Variants in TMCC1 observed in about 807,000 individuals in gnomAD.
TMCC1 encodes transmembrane and coiled-coil domain family 1.
Under a neutral mutation model 52.4 loss-of-function variants are expected in TMCC1, and 15 were observed. The ratio of observed to expected loss-of-function variants is 0.29; its 90% confidence interval spans 0.19 to 0.44. The LOEUF (loss-of-function observed/expected upper bound fraction) is 0.44. Ranked by LOEUF, TMCC1 falls within the 20% of genes least tolerant of loss-of-function variation. The probability of loss-of-function intolerance (pLI) is 1.00; values close to 1 mark genes in which losing one functional copy is unlikely to be tolerated. For synonymous variants in TMCC1, 279 were observed against 301.9 expected (o/e 0.92, Z 0.79); for missense variants, 503 against 806.0 (o/e 0.62, Z 4.55).
chr3:129,654,968 C>T lies in TMCC1; in HGVS notation c.1647G>A (p.Gln549=). ...TTTACACCTTTTCCTTCATACTAAC[C>T]TGGATGTCCCGGGCCCGTTCATAGG... ...YQSYERARDI[Q]EALEACQTRI... Residue 549 remains glutamine, a splice_region_variant and synonymous_variant, in exon 6 of 7, where the codon CAG becomes CAA. Coordinates refer to ENST00000393238, the MANE Select transcript of TMCC1 (RefSeq NM_001017395.5). 6.2e-7 allele frequency: 1 copy of T among 1,613,808 alleles called. No individual in the cohort carries two copies. Among genetic ancestry groups the T allele is most frequent in the Non-Finnish European group, 8.5e-7 (1 of 1,179,972 alleles).
intron 4 of TMCC1, among the ~76,000 whole-genome samples, chr3:129,730,895 C>G (rs1054334625): frequency 5.3e-5 from 8 of 152,156 alleles, no homozygotes; most frequent in African/African-American, 1.4e-4. Context: ...TAAACATATT[C>G]TGAAAAAGAA....
At chr3:129,819,110 T>A (rs1400484089) in intron 4 of TMCC1, 1 of 152,208 alleles carries the variant, frequency 6.6e-6, no homozygotes. Context: ...TGAGACGGAG[T>A]CTCACTCTGT....
chr3:129,869,739 T>A (rs1167108821), intron 2 of TMCC1, among the ~76,000 whole-genome samples: 1 of 152,234 alleles, frequency 6.6e-6, no homozygotes, highest in East Asian at 1.9e-4. Context: ...CTTACCTTGA[T>A]GCACATGTAC....
chr3:129,690,253 T>C (rs184422570), intron 4 of TMCC1, among the ~76,000 whole-genome samples: 161 of 152,314 alleles, frequency 1.1e-3, no homozygotes, highest in African/African-American at 3.4e-3. Flanking sequence ...AAATCACTTA[T>C]TGTAACTGTA....
intron 5 of TMCC1, among the ~76,000 whole-genome samples, chr3:129,656,026 A>G (rs2086646764): frequency 6.6e-6 from 1 of 152,228 alleles, no homozygotes; most frequent in African/African-American, 2.4e-5. Context: ...AATCTGGAAG[A>G]TCCGAAGAGT....
intron 5 of TMCC1, among the ~76,000 whole-genome samples, chr3:129,661,304 C>G (rs1052643416): frequency 5.9e-5 from 9 of 152,122 alleles, no homozygotes; most frequent in Non-Finnish European, 1.2e-4. Context: ...CATGCACCTG[C>G]AGTCCCAGCT....
intron 2 of TMCC1, chr3:129,847,825 T>A (rs2059735749): frequency 6.6e-6 from 1 of 152,262 alleles, no homozygotes; most frequent in South Asian, 2.1e-4. Context: ...TCCTCCATTC[T>A]TGTCACCATG....
chr3:129,877,624 C>A (rs201387939), intron 2 of TMCC1, among the ~76,000 whole-genome samples: 18 of 126,930 alleles, frequency 1.4e-4, no homozygotes, highest in Non-Finnish European at 2.9e-4. Flanking sequence ...ATCCCTAAGT[C>A]TTTTTTTTTT....
At chr3:129,678,359 C>CTTTTTTTTTTTT (rs71155564) in intron 4 of TMCC1, among the ~76,000 whole-genome samples, 1 of 117,202 alleles carries the variant, frequency 8.5e-6, no homozygotes, top group African/African-American at 3.4e-5. Flanking sequence ...TTGTTTAATT[C>CTTTTTTTTTTTT]TTTTTTTTTT....
intron 2 of TMCC1, among the ~76,000 whole-genome samples, chr3:129,864,024 G>A (rs953557038): frequency 6.6e-6 from 1 of 152,146 alleles, no homozygotes; most frequent in African/African-American, 2.4e-5. Context: ...TGCAAAAGAA[G>A]TTATCGGGTT....
chr3:129,849,823 C>T (rs1046837098), intron 2 of TMCC1, among the ~76,000 whole-genome samples: 6 of 149,590 alleles, frequency 4.0e-5, no homozygotes, highest in African/African-American at 7.4e-5. Context: ...TACATATATA[C>T]ACCCATGTAT....
intron 4 of TMCC1, among the ~76,000 whole-genome samples, chr3:129,810,465 TC>T (rs1380524080): frequency 6.6e-6 from 1 of 152,174 alleles, no homozygotes; most frequent in Non-Finnish European, 1.5e-5. Context: ...TATAATCGGA[TC>T]ACAAAACCTT....
chr3:129,715,566 T>C (rs546085326), intron 4 of TMCC1, among the ~76,000 whole-genome samples: 15 of 152,246 alleles, frequency 9.9e-5, no homozygotes, highest in African/African-American at 3.4e-4. Flanking sequence ...AAACACTCTC[T>C]ATCTGCTCTG....
At chr3:129,777,556 C>T (rs1234903061) in intron 4 of TMCC1, among the ~76,000 whole-genome samples, 1 of 152,152 alleles carries the variant, frequency 6.6e-6, no homozygotes, top group East Asian at 1.9e-4. Flanking sequence ...ATGTGACTCC[C>T]AATCCCAGAG....
intron 2 of TMCC1, among the ~76,000 whole-genome samples, chr3:129,855,071 A>C (rs945718768): frequency 6.6e-6 from 1 of 152,146 alleles, no homozygotes; most frequent in Non-Finnish European, 1.5e-5. Context: ...CACTAGGTCA[A>C]ACTCCTATCA....
At chr3:129,669,047 A>G (rs2087699943) in intron 5 of TMCC1, among the ~76,000 whole-genome samples, 1 of 152,228 alleles carries the variant, frequency 6.6e-6, no homozygotes, top group Non-Finnish European at 1.5e-5. Context: ...TTAAGTTAGA[A>G]TTGAAGAACA....
In TMCC1 at chr3:129,783,709, A is replaced by G. The variant is rs986895713; in HGVS notation, c.576+44094T>C. On this transcript the variant is annotated intron_variant, in intron 4 of 6. Transcript: ENST00000393238. ...ATTGTTTCATTTGCTTCTATGAGGTAGGAGGGTAAATAATCATTATGCCAT... is the reference window on the plus strand; with the variant it reads ...ATTGTTTCATTTGCTTCTATGAGGTGGGAGGGTAAATAATCATTATGCCAT... 2.0e-5 allele frequency among the ~76,000 whole-genome samples: 3 copies of G among 152,236 alleles called. No individual in the cohort carries two copies. The South Asian group carries it at 6.2e-4, about 32-fold the overall frequency.
intron 4 of TMCC1, among the ~76,000 whole-genome samples, chr3:129,807,821 C>A (rs551976797): frequency 1.3e-5 from 2 of 152,038 alleles, no homozygotes; most frequent in Non-Finnish European, 2.9e-5. Flanking sequence ...CTTCCATGCA[C>A]CCTTATTCTA....
intron 2 of TMCC1, among the ~76,000 whole-genome samples, chr3:129,839,721 C>T (rs961987049): frequency 4.6e-5 from 7 of 151,810 alleles, no homozygotes; most frequent in Middle Eastern, 3.4e-3. Context: ...CCCATATCTA[C>T]GAAAAATTTA....
Sources: allele counts gnomAD v4.1 joint callset (sites outside exome capture counted in the v4.1 genomes callset), GRCh38; gene constraint gnomAD v4.1.1; transcripts MANE v1.5; gene names NCBI Gene and HGNC (gene_info 2026-07-23, HGNC 2026-07-21).